PXDNL: variants seen among roughly 807,000 people sequenced by gnomAD.
The protein encoded by PXDNL is probable oxidoreductase PXDNL.
PXDNL carries 145 observed loss-of-function variants against 150.8 expected under a neutral mutation model. The observed-to-expected ratio is 0.96, with a 90% confidence interval of 0.84 to 1.10. The LOEUF (loss-of-function observed/expected upper bound fraction) is 1.10. Among genes scored for constraint, PXDNL ranks in the 50% least tolerant of loss-of-function variants. The pLI is 0.00. For missense variants in PXDNL, 2,087 were observed against 1,873.9 expected, an observed-to-expected ratio of 1.11 and a Z score of -2.10; for synonymous variants, 757 against 725.7, an observed-to-expected ratio of 1.04 and a Z score of -0.69.
chr8:51,642,104 G>A (rs1362070476), intron 2 of PXDNL, among the ~76,000 whole-genome samples: 4 of 151,064 alleles, frequency 2.6e-5, no homozygotes, highest in Admixed American at 6.6e-5. Flanking sequence ...ACTATCACAA[G>A]AACAAAAAAC....
At chr8:51,368,135 A>C (rs1207821469) in intron 19 of PXDNL, among the ~76,000 whole-genome samples, 1 of 152,148 alleles carries the variant, frequency 6.6e-6, no homozygotes, top group Non-Finnish European at 1.5e-5. Flanking sequence ...CTCCATCTCA[A>C]AACAAAACAA....
chr8:51,777,343 G>T (rs118041211), intron 1 of PXDNL, among the ~76,000 whole-genome samples: 91 of 152,314 alleles, frequency 6.0e-4, no homozygotes, highest in African/African-American at 2.2e-3. Flanking sequence ...TACACACCAA[G>T]TGCTTGGGAT....
chr8:51,769,370 G>T (rs1184678037), intron 1 of PXDNL, among the ~76,000 whole-genome samples: 1 of 152,186 alleles, frequency 6.6e-6, no homozygotes, highest in Non-Finnish European at 1.5e-5. Flanking sequence ...AAAGCTTGAA[G>T]AATTCAAATC....
rs1554557715 is a variant in PXDNL, at chr8:51,608,852, A to AAAAG, written c.237-16155_237-16154insCTTT. On this transcript the variant is annotated intron_variant, in intron 2 of 22. Coordinates refer to ENST00000356297, the MANE Select transcript of PXDNL (RefSeq NM_144651.5). ...ACTCTGTCTCAAAAAAAAAAAAAAAAAAAAAAAGAAAGTATTGCATTGAGT... is the reference window on the plus strand; with the variant it reads ...ACTCTGTCTCAAAAAAAAAAAAAAAAAAAGAAAAAAAGAAAGTATTGCATTGAGT... 1.9e-3 allele frequency among the ~76,000 whole-genome samples: 281 copies of AAAAG among 149,472 alleles called. 5 individuals carry two copies. The highest frequency in any genetic ancestry group is 6.8e-3 in the African/African-American group (268 of 39,460).
At chr8:51,636,517 A>T (rs950714131) in intron 2 of PXDNL, among the ~76,000 whole-genome samples, 3 of 152,232 alleles carry the variant, frequency 2.0e-5, no homozygotes. Context: ...CAAAGTCAAC[A>T]TGCAAAAATC....
At chr8:51,386,615 A>G (rs1229524077) in intron 17 of PXDNL, among the ~76,000 whole-genome samples, 1 of 152,118 alleles carries the variant, frequency 6.6e-6, no homozygotes, top group Non-Finnish European at 1.5e-5. Flanking sequence ...TAGGTAGTTA[A>G]GTGGATAAAT....
At chr8:51,601,799 T>C (rs1412793578) in intron 2 of PXDNL, among the ~76,000 whole-genome samples, 1 of 150,124 alleles carries the variant, frequency 6.7e-6, no homozygotes, top group Non-Finnish European at 1.5e-5. Context: ...TATTGTGGGT[T>C]TTTTTTTTAA....
At chr8:51,638,264 C>T (rs931770899) in intron 2 of PXDNL, among the ~76,000 whole-genome samples, 1 of 152,116 alleles carries the variant, frequency 6.6e-6, no homozygotes, top group African/African-American at 2.4e-5. Context: ...TTGTAAAGAC[C>T]ATCGAGGCTA....
At chr8:51,615,628 TA>T (rs1488267104) in intron 2 of PXDNL, among the ~76,000 whole-genome samples, 1 of 152,212 alleles carries the variant, frequency 6.6e-6, no homozygotes, top group East Asian at 1.9e-4. Flanking sequence ...GTTTGAGAGT[TA>T]ATTTATTCAA....
At chr8:51,439,169 C>T (rs569877660) in intron 12 of PXDNL, among the ~76,000 whole-genome samples, 1 of 149,678 alleles carries the variant, frequency 6.7e-6, no homozygotes, top group Admixed American at 6.6e-5. Context: ...TCTTTGCAAT[C>T]TATGCATCCA....
chr8:51,740,533 A>G (rs1219198113), intron 1 of PXDNL, among the ~76,000 whole-genome samples: 1 of 152,210 alleles, frequency 6.6e-6, no homozygotes, highest in Non-Finnish European at 1.5e-5. Context: ...TCTGACTGGC[A>G]TGAGATGGTA....
intron 1 of PXDNL, among the ~76,000 whole-genome samples, chr8:51,723,319 C>T (rs1816764324): frequency 6.6e-6 from 1 of 152,120 alleles, no homozygotes; most frequent in Admixed American, 6.6e-5. Flanking sequence ...AATCCAGACT[C>T]GAATTTACTA....
chr8:51,728,073 A>T (rs1431925977), intron 1 of PXDNL, among the ~76,000 whole-genome samples: 1 of 152,244 alleles, frequency 6.6e-6, no homozygotes, highest in Non-Finnish European at 1.5e-5. Flanking sequence ...GTGATGGACC[A>T]CATATGCACT....
intron 8 of PXDNL, among the ~76,000 whole-genome samples, chr8:51,471,860 G>A (rs1308791738): frequency 6.6e-6 from 1 of 151,634 alleles, no homozygotes; most frequent in African/African-American, 2.4e-5. Flanking sequence ...CTAATTTTTT[G>A]TATTTTTAGT....
chr8:51,778,353 C>A (rs1585743610), intron 1 of PXDNL, among the ~76,000 whole-genome samples: 2 of 152,028 alleles, frequency 1.3e-5, no homozygotes, highest in Non-Finnish European at 2.9e-5. Context: ...AGATTTTTCA[C>A]TACTATGAAA....
At chr8:51,612,271 C>T (rs956102134) in intron 2 of PXDNL, among the ~76,000 whole-genome samples, 4 of 152,128 alleles carry the variant, frequency 2.6e-5, no homozygotes, top group African/African-American at 7.2e-5. Context: ...TGTCCTCTGA[C>T]CTCCAGCTGG....
At position 51,336,867 on chromosome 8, in the gene PXDNL, A is replaced by G. The variant is rs576665051; in HGVS notation, c.4146+2757T>C. ...TAGCTTGAGTAAGTCTCTGACCTCT[A>G]TAAGAGATCACAGGACCTTCTAATT... is the stretch of plus-strand genomic sequence containing the variant. On this transcript the variant is annotated intron_variant, in intron 21 of 22. Transcript: ENST00000356297. Among the ~76,000 whole-genome samples the G allele has an allele frequency of 5.3e-5, 8 of 152,274 alleles. No individual in the cohort carries two copies. The South Asian group carries it at 1.5e-3, about 28-fold the overall frequency.
chr8:51,642,837 A>C (rs571572841), intron 2 of PXDNL, among the ~76,000 whole-genome samples: 1 of 152,344 alleles, frequency 6.6e-6, no homozygotes, highest in South Asian at 2.1e-4. Context: ...AAACAACTTC[A>C]GCAAAGTCTC....
intron 1 of PXDNL, among the ~76,000 whole-genome samples, chr8:51,685,748 C>G (rs199965178): frequency 1.3e-5 from 2 of 152,316 alleles, no homozygotes; most frequent in East Asian, 3.9e-4. Context: ...CTCCCTTATT[C>G]ATACACACTA....
Sources: gnomAD v4.1 joint callset for allele counts (sites outside exome capture counted in the v4.1 genomes callset) on GRCh38, gnomAD v4.1.1 for gene constraint, MANE v1.5 for transcripts, NCBI Gene and HGNC (gene_info 2026-07-23, HGNC 2026-07-21) for gene names.